ZNF740: variants seen among roughly 807,000 people sequenced by gnomAD.
ZNF740 encodes oriLyt TD-element-binding protein 7.
A neutral mutation model predicts 24.8 loss-of-function variants in ZNF740; 14 were observed. The ratio of observed to expected loss-of-function variants is 0.56; its 90% confidence interval spans 0.37 to 0.88. The LOEUF is 0.88. Ranked by LOEUF, ZNF740 falls within the 40% of genes least tolerant of loss-of-function variation. The pLI is 0.00. For synonymous variants in ZNF740, 69 were observed against 84.0 expected, an observed-to-expected ratio of 0.82 and a Z score of 0.98; for missense variants, 201 against 247.9, an observed-to-expected ratio of 0.81 and a Z score of 1.27.
chr12:53,184,327 C>T (rs150193993), intron 2 of ZNF740, among the ~76,000 whole-genome samples: 8,314 of 151,800 alleles, frequency 0.055, 283 homozygotes, highest in Middle Eastern at 0.085. Flanking sequence ...TAGCTGGGAC[C>T]GCAGGTGTGT....
chr12:53,194,011 T>C lies in ZNF740; in HGVS notation c.*6421T>C. ...CTTAGTAAATGAAGGGATGGGGTCA[T>C]GTTAACACCCAACTCCTAGAAACAT... On this transcript the variant is annotated 3_prime_UTR_variant, in exon 7 of 7. Transcript: ENST00000416904. The C allele has an allele frequency of 7.6e-7, 1 of 1,314,770 alleles. No individual in the cohort carries two copies. The highest frequency in any genetic ancestry group is 1.1e-6 in the Non-Finnish European group (1 of 945,810). The allele number at this position is 1,314,770 out of a possible 1,614,324, so 81.4% of individuals were successfully genotyped here.
Position 53,194,442 on chromosome 12 carries a change from C to G in ZNF740, c.*6852C>G. On this transcript the variant is annotated 3_prime_UTR_variant, in exon 7 of 7. Transcript: ENST00000416904. Reference sequence around the variant, plus strand: ...AGGTGTTCCCAATTCTGCCAGCACCCTGCCCTCTGCCACCTGGGGCTCCTT... The same window carrying G: ...AGGTGTTCCCAATTCTGCCAGCACCGTGCCCTCTGCCACCTGGGGCTCCTT... 1.6e-6 allele frequency: 2 copies of G among 1,216,592 alleles called. No homozygotes were observed. The highest frequency in any genetic ancestry group is 2.3e-6 in the Non-Finnish European group (2 of 857,376). 75.4% of individuals were successfully genotyped at this position (1,216,592 alleles called of 1,614,324 possible). A position where few individuals can be genotyped will look rare whatever the true frequency, so the allele number is the denominator to read the frequency against.
In ZNF740 at chr12:53,193,501, G is replaced by T; in HGVS notation, c.*5911G>T. On this transcript the variant is annotated 3_prime_UTR_variant, in exon 7 of 7. Coordinates refer to ENST00000416904, the MANE Select transcript of ZNF740 (RefSeq NM_001004304.4). ...CAGCTGAAAGGATGTTAAGTATAGT[G>T]AAACACTGAGGGGTGAGAGAGTGGA... 3.9e-6 allele frequency: 3 copies of T among 762,010 alleles called. No homozygotes were observed. Among genetic ancestry groups the T allele is most frequent in the Non-Finnish European group, 6.3e-6 (3 of 477,372 alleles). The allele number at this position is 762,010 out of a possible 1,614,324, so 47.2% of individuals were successfully genotyped here.
chr12:53,184,150 T>TGTGCGCGCGCGC (rs59250662), intron 2 of ZNF740, among the ~76,000 whole-genome samples: 13 of 104,420 alleles, frequency 1.2e-4, no homozygotes, highest in African/African-American at 4.1e-4. Flanking sequence ...TGTGTGTGTG[T>TGTGCGCGCGCGC]GCGCGCGCGC....
At position 53,184,150 on chromosome 12, in the gene ZNF740, T is replaced by TGTGTGTGCGC. The variant is rs59250662; in HGVS notation, c.10-740_10-739insTGTGTGCGCG. The stretch of plus-strand genomic sequence containing the variant: ...GTGTGTGTGTGTGTGTGTGTGTGTG[T>TGTGTGTGCGC]GCGCGCGCGCGCTCTGAAGCTAAGG... On this transcript the variant is annotated intron_variant, in intron 2 of 6. Transcript: ENST00000416904. Among the ~76,000 whole-genome samples the TGTGTGTGCGC allele has an allele frequency of 1.7e-3, 173 of 104,412 alleles. 2 individuals are homozygous for TGTGTGTGCGC. Among genetic ancestry groups the TGTGTGTGCGC allele is most frequent in the African/African-American group, 4.1e-3 (109 of 26,774 alleles). 68.5% of individuals were successfully genotyped at this position (104,412 alleles called of 152,430 possible).
rs769282133 is a variant in ZNF740 at position 53,192,009 on chromosome 12, G to A, written c.*4419G>A. On this transcript the variant is annotated 3_prime_UTR_variant, in exon 7 of 7. Coordinates refer to ENST00000416904, the MANE Select transcript of ZNF740 (RefSeq NM_001004304.4). ...AGCCCAGCACAATGGCCTGCGTGTG[G>A]TCTGCTCCCTCTGTGAACAAGAAAC... The A allele has an allele frequency of 2.5e-6, 4 of 1,611,970 alleles. No homozygotes were observed. The highest frequency in any genetic ancestry group is 2.2e-5 in the East Asian group (1 of 44,850).
At position 53,186,435 on chromosome 12, in the gene ZNF740, C is replaced by A; in HGVS notation, c.418C>A (p.Gln140Lys). ...CGATATATGTGATATGCGTTTCATCCAGAAGTACCACCTGGAACGCCACAA... is the reference window on the plus strand; with the variant it reads ...CGATATATGTGATATGCGTTTCATCAAGAAGTACCACCTGGAACGCCACAA... The part of the protein sequence containing the change: ...ECDICDMRFI[Q>K]KYHLERHKRV... The change falls in exon 6 of 7, where the codon CAG becomes AAG. Residue 140 changes from glutamine to lysine, a missense_variant. Physicochemically the swap from Gln to Lys is moderately conservative, Grantham distance 53 (BLOSUM62 1). Around this residue, in one of 3 missense-constraint regions of ZNF740, gnomAD observed 60 missense variants for 107.8 expected, o/e 0.56. Transcript: ENST00000416904. 1 of 1,592,550 alleles carries A rather than the reference C, an allele frequency of 6.3e-7. No homozygotes were observed.
intron 6 of ZNF740, among the ~76,000 whole-genome samples, chr12:53,187,265 T>C (rs965027313): frequency 1.3e-5 from 2 of 152,206 alleles, no homozygotes; most frequent in African/African-American, 2.4e-5. Context: ...GTATGCAGAT[T>C]CTGGGCTGTT....
chr12:53,187,220 GTA>G (rs1358513626), intron 6 of ZNF740, among the ~76,000 whole-genome samples: 9 of 152,220 alleles, frequency 5.9e-5, no homozygotes, highest in Non-Finnish European at 2.9e-5. Context: ...CTGTGAGTAG[GTA>G]CTTTTAGCCT....
In ZNF740 at chr12:53,185,494, C is replaced by A; in HGVS notation, c.249+18C>A. 1 of 1,608,172 alleles carries A rather than the reference C, an allele frequency of 6.2e-7. No homozygotes were observed. The highest frequency in any genetic ancestry group is 8.5e-7 in the Non-Finnish European group (1 of 1,175,206). On this transcript the variant is annotated intron_variant, in intron 4 of 6. Coordinates refer to ENST00000416904, the MANE Select transcript of ZNF740 (RefSeq NM_001004304.4). ...TTAAAAAGGCAGGTAATGGGGTGAT[C>A]CCCCAAACTCATACAGTTTGGTAAT...
At chr12:53,181,290 A>G in intron 1 of ZNF740, 1 of 985,394 alleles carries the variant, frequency 1.0e-6, no homozygotes, top group Non-Finnish European at 1.2e-6. Context: ...CCCGCCACCG[A>G]AGCACCCAGC....
chr12:53,187,312 T>C (rs1941842302), intron 6 of ZNF740, among the ~76,000 whole-genome samples, 189 bp from the exon 7 acceptor site: 2 of 152,216 alleles, frequency 1.3e-5, no homozygotes. Context: ...TGCTGAGTGA[T>C]AGAGCCAAGA....
chr12:53,182,307 CT>C (rs1941677633), intron 2 of ZNF740: 1 of 289,168 alleles, frequency 3.5e-6, no homozygotes, highest in South Asian at 9.5e-5. Context: ...ACGGTGAATG[CT>C]TCTTTTGTTT....
intron 2 of ZNF740, among the ~76,000 whole-genome samples, chr12:53,184,486 C>G (rs1411518831): frequency 6.6e-6 from 1 of 152,146 alleles, no homozygotes; most frequent in East Asian, 1.9e-4. Context: ...GCACTCGGCC[C>G]AGCTGAGGGC....
chr12:53,192,017 C>A lies in ZNF740; in HGVS notation c.*4427C>A. 1 of 1,610,638 alleles carries A rather than the reference C, an allele frequency of 6.2e-7. No homozygotes were observed. Among genetic ancestry groups the A allele is most frequent in the East Asian group, 2.2e-5 (1 of 44,814 alleles). On this transcript the variant is annotated 3_prime_UTR_variant, in exon 7 of 7. Transcript: ENST00000416904. The stretch of plus-strand genomic sequence containing the variant: ...ACAATGGCCTGCGTGTGGTCTGCTC[C>A]CTCTGTGAACAAGAAACCAGACACA...
Position 53,186,480 on chromosome 12 carries a change from A to G in ZNF740, c.463A>G (p.Lys155Glu). 2 of 1,583,426 alleles carry G rather than the reference A, an allele frequency of 1.3e-6. No homozygotes were observed. The highest frequency in any genetic ancestry group is 1.7e-6 in the Non-Finnish European group (2 of 1,163,962). ...ERHKRVHSGE[K>E]PYQCERCHQC... ...CCACAAGCGTGTGCACAGTGGTGAA[A>G]AGCCTTACCAGTGTGAACGGTGTCA... Residue 155 changes from lysine to glutamate, a missense_variant, in exon 6 of 7, where the codon AAG (lysine) becomes GAG (glutamate). Physicochemically the swap from Lys to Glu is moderately conservative, Grantham distance 56 (BLOSUM62 1). Around this residue, in one of 3 missense-constraint regions of ZNF740, gnomAD observed 60 missense variants for 107.8 expected, o/e 0.56. Transcript: ENST00000416904.
At position 53,191,949 on chromosome 12, in the gene ZNF740, C is replaced by G; in HGVS notation, c.*4359C>G. The stretch of plus-strand genomic sequence containing the variant: ...CCACCGAGAGCCGGTAAGCCAGGAC[C>G]AGCCCCAGCCCCACTGCCACGATGC... On this transcript the variant is annotated 3_prime_UTR_variant, in exon 7 of 7. Transcript: ENST00000416904. The G allele has an allele frequency of 6.2e-7, 1 of 1,611,622 alleles. No homozygotes were observed. Among genetic ancestry groups the G allele is most frequent in the Non-Finnish European group, 8.5e-7 (1 of 1,179,998 alleles).
rs1382539925 is a variant in ZNF740, at chr12:53,181,036, C to T, written c.-308+199C>T. ...CCCTGCCCGCGCGTCCCGCCGCGTC[C>T]CCGGCCCGGGAGAGGGCTCTCGGAG... On this transcript the variant is annotated intron_variant, in intron 1 of 6. Transcript: ENST00000416904. 4 of 883,834 alleles carry T rather than the reference C, an allele frequency of 4.5e-6. No individual in the cohort carries two copies. In the South Asian group the frequency reaches 6.9e-5, roughly 15 times the overall value. The allele number at this position is 883,834 out of a possible 1,614,324, so 54.7% of individuals were successfully genotyped here.
Position 53,193,258 on chromosome 12 carries a change from CAG to C in ZNF740, c.*5669_*5670del, listed in dbSNP as rs1353297518. 3 of 1,614,084 alleles carry C rather than the reference CAG, an allele frequency of 1.9e-6. No homozygotes were observed. Among genetic ancestry groups the C allele is most frequent in the Non-Finnish European group, 2.5e-6 (3 of 1,179,950 alleles). ...ATTGACAGTGACCCTTTCCACTGCA[CAG>C]GGGCCCTGTGCCATTGGGAGCCCGG... On this transcript the variant is annotated 3_prime_UTR_variant, in exon 7 of 7. Coordinates refer to ENST00000416904, the MANE Select transcript of ZNF740 (RefSeq NM_001004304.4).
Sources: gnomAD v4.1 joint callset for allele counts (sites outside exome capture counted in the v4.1 genomes callset) on GRCh38, gnomAD v4.1.1 for gene constraint, gnomAD v4.1.1 regional missense constraint, MANE v1.5 for transcripts, NCBI Gene and HGNC (gene_info 2026-07-23, HGNC 2026-07-21) for gene names.